Variants in IKBKB-DT observed in about 807,000 individuals in gnomAD.
IKBKB-DT encodes IKBKB antisense RNA.
intron 3 of IKBKB-DT, among the ~76,000 whole-genome samples, chr8:42,247,721 G>A (rs900136491): frequency 1.3e-5 from 2 of 152,170 alleles, no homozygotes; most frequent in African/African-American, 4.8e-5. Context: ...ATGATAGTGA[G>A]GGAGTTCTCG....
intron 2 of IKBKB-DT, among the ~76,000 whole-genome samples, chr8:42,265,351 A>G (rs950893151): frequency 2.0e-5 from 3 of 152,184 alleles, no homozygotes; most frequent in Non-Finnish European, 4.4e-5. Flanking sequence ...GCTGTTTCTC[A>G]GAATAATCTG....
intron 3 of IKBKB-DT, among the ~76,000 whole-genome samples, chr8:42,261,064 A>T (rs1176648706): frequency 6.6e-6 from 1 of 151,788 alleles, no homozygotes; most frequent in Non-Finnish European, 1.5e-5. Context: ...TATGGCCTAC[A>T]TCTGTAATCC....
intron 3 of IKBKB-DT, chr8:42,249,044 C>T (rs1807097215): frequency 6.6e-6 from 1 of 152,082 alleles, no homozygotes; most frequent in South Asian, 2.1e-4. Flanking sequence ...GACAATACAA[C>T]TTTTATTAAA....
intron 3 of IKBKB-DT, among the ~76,000 whole-genome samples, chr8:42,236,156 A>G (rs749055565): frequency 3.3e-5 from 5 of 151,932 alleles, no homozygotes; most frequent in Non-Finnish European, 5.9e-5. Flanking sequence ...ATTAAGCATC[A>G]CTTCTCTCTT....
intron 3 of IKBKB-DT, among the ~76,000 whole-genome samples, chr8:42,239,612 ATT>A (rs796697635): frequency 1.5e-5 from 1 of 65,628 alleles, no homozygotes; most frequent in South Asian, 6.0e-4. Flanking sequence ...GTAAAAGGCA[ATT>A]TATATATATA....
intron 2 of IKBKB-DT, among the ~76,000 whole-genome samples, chr8:42,264,924 G>A (rs113078931): frequency 1.1e-4 from 17 of 151,048 alleles, no homozygotes; most frequent in African/African-American, 3.4e-4. Context: ...GTGCAATGGC[G>A]CCATCTCTGT....
At chr8:42,249,008 A>G (rs1274166416) in intron 3 of IKBKB-DT, 1 of 152,166 alleles carries the variant, frequency 6.6e-6, no homozygotes, top group Non-Finnish European at 1.5e-5. Flanking sequence ...GGTTCATTTG[A>G]AAAGGGATTC....
rs1275040236 is a variant in IKBKB-DT at position 42,239,615 on chromosome 8, TA to T, written n.1530-5757del. Among the ~76,000 whole-genome samples, 9 of 24,142 alleles carry T rather than the reference TA, an allele frequency of 3.7e-4. 1 individual carries two copies. Among genetic ancestry groups the T allele is most frequent in the African/African-American group, 2.2e-3 (8 of 3,660 alleles). The allele number at this position is 24,142 out of a possible 152,430, so 15.8% of individuals were successfully genotyped here. ...CAACCAATTTTTGTAAAAGGCAATT[TA>T]TATATATATATATATATATTTATTT... is the stretch of plus-strand genomic sequence containing the variant. On this transcript the variant is annotated intron_variant and non_coding_transcript_variant, in intron 3 of 3. Coordinates refer to ENST00000518213, the Ensembl canonical transcript of IKBKB-DT.
intron 2 of IKBKB-DT, among the ~76,000 whole-genome samples, chr8:42,263,691 T>C (rs1285318434): frequency 2.6e-5 from 4 of 152,206 alleles, no homozygotes; most frequent in African/African-American, 9.6e-5. Flanking sequence ...TAAGTAAAGC[T>C]AAGGTTTGTA....
chr8:42,266,832 C>A (rs1807376730), intron 1 of IKBKB-DT, among the ~76,000 whole-genome samples: 1 of 152,076 alleles, frequency 6.6e-6, no homozygotes, highest in African/African-American at 2.4e-5. Context: ...ATGGCAACAT[C>A]AGGAAGTTAC....
At chr8:42,256,288 G>T (rs527238098) in intron 3 of IKBKB-DT, among the ~76,000 whole-genome samples, 1 of 151,924 alleles carries the variant, frequency 6.6e-6, no homozygotes, top group African/African-American at 2.4e-5. Context: ...TCAGTCGGGC[G>T]TGGTGGCTCA....
intron 2 of IKBKB-DT, among the ~76,000 whole-genome samples, chr8:42,263,836 A>T (rs1403660675): frequency 6.6e-6 from 1 of 152,126 alleles, no homozygotes; most frequent in Non-Finnish European, 1.5e-5. Flanking sequence ...TTTGAGATGG[A>T]GTTTCATTCC....
chr8:42,240,344 G>A (rs1438485360), intron 3 of IKBKB-DT, among the ~76,000 whole-genome samples: 1 of 151,852 alleles, frequency 6.6e-6, no homozygotes, highest in East Asian at 1.9e-4. Flanking sequence ...AGTAATTGGG[G>A]CCAGGCACAG....
At chr8:42,239,614 T>TTTTTTATATATATATATATA (rs1554502579) in intron 3 of IKBKB-DT, among the ~76,000 whole-genome samples, 1 of 19,910 alleles carries the variant, frequency 5.0e-5, no homozygotes, top group African/African-American at 1.4e-4. Flanking sequence ...AAAAGGCAAT[T>TTTTTTATATATATATATATA]TATATATATA....
intron 3 of IKBKB-DT, among the ~76,000 whole-genome samples, chr8:42,254,252 C>T (rs543220252): frequency 1.3e-5 from 2 of 152,332 alleles, no homozygotes; most frequent in South Asian, 4.1e-4. Flanking sequence ...TAATATTTCT[C>T]TCTGTCACCT....
At chr8:42,241,976 G>A (rs1049767708) in intron 3 of IKBKB-DT, among the ~76,000 whole-genome samples, 2 of 152,160 alleles carry the variant, frequency 1.3e-5, no homozygotes, top group Non-Finnish European at 2.9e-5. Flanking sequence ...CAGTTTGGGA[G>A]GCCGAAGCGG....
At chr8:42,268,758 G>T (rs900160281) in intron 1 of IKBKB-DT, among the ~76,000 whole-genome samples, 14 of 150,898 alleles carry the variant, frequency 9.3e-5, no homozygotes, top group Admixed American at 4.6e-4. Context: ...GTAGAGACGT[G>T]GTTTCACCAT....
At chr8:42,268,328 C>G (rs574568634) in intron 1 of IKBKB-DT, among the ~76,000 whole-genome samples, 16 of 150,606 alleles carry the variant, frequency 1.1e-4, no homozygotes, top group South Asian at 2.1e-4. Flanking sequence ...GTAGAGATGG[C>G]GTTTCACCAT....
intron 3 of IKBKB-DT, among the ~76,000 whole-genome samples, chr8:42,251,861 A>G (rs1807132786): frequency 6.6e-6 from 1 of 151,994 alleles, no homozygotes; most frequent in Admixed American, 6.6e-5. Flanking sequence ...AAAGAAAAGT[A>G]ACAAATGGAG....
Sources: allele counts gnomAD v4.1 joint callset (sites outside exome capture counted in the v4.1 genomes callset), GRCh38; gene constraint gnomAD v4.1.1; transcripts MANE v1.5; gene names NCBI Gene and HGNC (gene_info 2026-07-23, HGNC 2026-07-21).